The following CAPN8 variants were observed in gnomAD, a reference collection of about 807,000 sequenced individuals.
CAPN8 encodes calpain 8.
Under a neutral mutation model 80.9 loss-of-function variants are expected in CAPN8, and 87 were observed. The observed-to-expected ratio is 1.07, with a 90% CI of 0.90 to 1.28. CAPN8 has a LOEUF of 1.28. CAPN8 is among the 50% of genes most tolerant of loss of function. The probability of loss-of-function intolerance (pLI) is 0.00; values close to 1 mark genes in which losing one functional copy is unlikely to be tolerated. For missense variants in CAPN8, 757 were observed against 702.0 expected (o/e 1.08, Z -0.89); for synonymous variants, 299 against 273.8 (o/e 1.09, Z -0.91).
intron 9 of CAPN8, chr1:223,618,283 T>C: frequency 6.4e-7 from 1 of 1,550,614 alleles, no homozygotes. Flanking sequence ...AGGAGGAGCC[T>C]ACACAGGGAC....
rs570543562 is a variant in CAPN8 at position 223,636,931 on chromosome 1, C to T, written c.308-8151G>A. Among the ~76,000 whole-genome samples, 10 of 152,316 alleles carry T rather than the reference C, an allele frequency of 6.6e-5. No individual in the cohort carries two copies. In the East Asian group the frequency reaches 1.9e-3, roughly 29 times the overall value. ...CTTTCTGGGACCCGCTTTCTGTTTC[C>T]CCCCTTTTTCTCCCACTTCTGCCTT... On this transcript the variant is annotated intron_variant, in intron 2 of 20. Coordinates refer to ENST00000366872, the MANE Select transcript of CAPN8 (RefSeq NM_001143962.2).
chr1:223,552,966 T>C (rs1005017638), intron 14 of CAPN8, among the ~76,000 whole-genome samples: 76 of 152,108 alleles, frequency 5.0e-4, no homozygotes, highest in African/African-American at 1.7e-3. Context: ...TTTGCAAGGG[T>C]TTTATTCAAT....
At chr1:223,635,496 G>T (rs1390759111) in intron 2 of CAPN8, among the ~76,000 whole-genome samples, 1 of 152,246 alleles carries the variant, frequency 6.6e-6, no homozygotes, top group Non-Finnish European at 1.5e-5. Context: ...CTTGGAAGCT[G>T]CCTGGAGGCA....
chr1:223,622,631 G>A, intron 7 of CAPN8, 184 bp downstream of exon 7: 1 of 599,316 alleles, frequency 1.7e-6, no homozygotes, highest in South Asian at 2.1e-5. Flanking sequence ...CTACAGCCCA[G>A]TGGTTTTTAT....
intron 1 of CAPN8, among the ~76,000 whole-genome samples, chr1:223,664,561 C>T (rs750989407): frequency 1.3e-5 from 2 of 152,198 alleles, no homozygotes; most frequent in African/African-American, 4.8e-5. Context: ...CCCAAAACAA[C>T]ACAGGCAGAG....
At chr1:223,549,295 AT>A (rs766426453) in intron 16 of CAPN8, 22 bp downstream of exon 16, 29 of 1,537,680 alleles carry the variant, frequency 1.9e-5, no homozygotes, top group Middle Eastern at 1.7e-4. Context: ...AAAAAAAAAA[AT>A]AATGCAACAT....
In CAPN8 at chr1:223,616,089, G is replaced by A. The variant is rs1382013493; in HGVS notation, c.1192C>T (p.Gln398Ter). ...CAGGGTTCACCGATGCTCTCCTCCT[G>A]GTCCTCATCCACTTCATCCAAACGG... ...KIRLDEVDED[Q>*]EESIGEPCCT... Residue 398 changes from glutamine to a stop codon, truncating the protein, a stop_gained, in exon 10 of 21, where the codon CAG (glutamine) becomes TAG (stop). Transcript: ENST00000366872. LOFTEE classifies it high-confidence loss of function. 1 of 1,552,024 alleles carries A rather than the reference G, an allele frequency of 6.4e-7. No homozygotes were observed. The highest frequency in any genetic ancestry group is 8.7e-7 in the Non-Finnish European group (1 of 1,147,070).
At chr1:223,635,001 A>G (rs922645017) in intron 2 of CAPN8, among the ~76,000 whole-genome samples, 2 of 152,360 alleles carry the variant, frequency 1.3e-5, no homozygotes, top group South Asian at 2.1e-4. Flanking sequence ...CTCATGGTCC[A>G]TGGAAACTGG....
chr1:223,554,101 A>G (rs904177097), intron 13 of CAPN8, among the ~76,000 whole-genome samples: 11 of 152,212 alleles, frequency 7.2e-5, no homozygotes, highest in Non-Finnish European at 1.5e-4. Flanking sequence ...TCCAGCAGGG[A>G]TGAGCAGAGA....
At chr1:223,624,713 CT>C (rs1028707030) in intron 6 of CAPN8, among the ~76,000 whole-genome samples, 7 of 141,778 alleles carry the variant, frequency 4.9e-5, no homozygotes, top group African/African-American at 1.9e-4. Flanking sequence ...GACCCTGTCT[CT>C]AAATAAATAA....
At chr1:223,656,221 C>A (rs985610470) in intron 1 of CAPN8, among the ~76,000 whole-genome samples, 1 of 151,948 alleles carries the variant, frequency 6.6e-6, no homozygotes, top group Non-Finnish European at 1.5e-5. Context: ...GTAATCCCAG[C>A]ACTTTGGGAG....
At position 223,619,416 on chromosome 1, in the gene CAPN8, A is replaced by G. The variant is rs1209848053; in HGVS notation, c.1012T>C (p.Leu338=). The stretch of plus-strand genomic sequence containing the variant: ...TCCGGGGACAGGTTGCAGATCTCCA[A>G]CCGAGAGAACTGCCTCACGAAATCT... The part of the protein sequence containing the change: ...LSDFVRQFSR[L]EICNLSPDSL... The change falls in exon 9 of 21, where the codon TTG becomes CTG. Residue 338 remains leucine, a synonymous_variant. Coordinates refer to ENST00000366872, the MANE Select transcript of CAPN8 (RefSeq NM_001143962.2). The G allele has an allele frequency of 2.6e-6, 4 of 1,551,504 alleles. No individual in the cohort carries two copies. The highest frequency in any genetic ancestry group is 3.5e-6 in the Non-Finnish European group (4 of 1,146,998).
Position 223,654,366 on chromosome 1 carries a change from C to T in CAPN8, c.271G>A (p.Gly91Arg). The T allele has an allele frequency of 6.4e-7, 1 of 1,551,726 alleles. No homozygotes were observed. The highest frequency in any genetic ancestry group is 8.7e-7 in the Non-Finnish European group (1 of 1,146,994). Residue 91 changes from glycine to arginine, a missense_variant, in exon 2 of 21, where the codon GGA becomes AGA. Coordinates refer to ENST00000366872, the MANE Select transcript of CAPN8 (RefSeq NM_001143962.2). ...TGACAAATGTCTGTGCGCGTGGCTC[C>T]ACCAACGATAAACTGAGGGCTGGGA... is the stretch of plus-strand genomic sequence containing the variant. Reference protein sequence around the residue: ...LCPSPQFIVGGATRTDICQGG... With the variant: ...LCPSPQFIVGRATRTDICQGG...
chr1:223,553,079 CG>C (rs1656831527), intron 14 of CAPN8, among the ~76,000 whole-genome samples: 1 of 145,840 alleles, frequency 6.9e-6, no homozygotes, highest in African/African-American at 2.6e-5. Flanking sequence ...CTGAGTTTCC[CG>C]GGGTGGTGGG....
At chr1:223,652,460 G>T (rs1326108479) in intron 2 of CAPN8, among the ~76,000 whole-genome samples, 1 of 152,086 alleles carries the variant, frequency 6.6e-6, no homozygotes, top group African/African-American at 2.4e-5. Flanking sequence ...ATCCATATCA[G>T]GCCCCAATTC....
intron 6 of CAPN8, among the ~76,000 whole-genome samples, 189 bp from the exon 7 acceptor site, chr1:223,623,089 T>C (rs1657451611): frequency 1.3e-5 from 2 of 152,252 alleles, no homozygotes. Context: ...ATAAATGAGG[T>C]ATTTTTCATA....
chr1:223,551,819 G>A (rs1656793227), intron 14 of CAPN8, among the ~76,000 whole-genome samples: 1 of 152,202 alleles, frequency 6.6e-6, no homozygotes, highest in African/African-American at 2.4e-5. Flanking sequence ...GCTACCAAGA[G>A]GCAGAGCTAG....
chr1:223,645,747 G>A (rs1370679992), intron 2 of CAPN8, among the ~76,000 whole-genome samples: 3 of 152,200 alleles, frequency 2.0e-5, no homozygotes, highest in Admixed American at 6.5e-5. Flanking sequence ...CAAGAATGCA[G>A]ACCAAAGTAA....
chr1:223,615,448 G>A (rs1162711429), intron 10 of CAPN8, among the ~76,000 whole-genome samples: 1 of 152,210 alleles, frequency 6.6e-6, no homozygotes, highest in East Asian at 1.9e-4. Flanking sequence ...CCCAGAGACA[G>A]CTGTATTCCA....
Sources: allele counts gnomAD v4.1 joint callset (sites outside exome capture counted in the v4.1 genomes callset), GRCh38; gene constraint gnomAD v4.1.1; transcripts MANE v1.5; gene names NCBI Gene and HGNC (gene_info 2026-07-23, HGNC 2026-07-21).